The following JAKMIP3 variants were observed in gnomAD, a reference collection of about 807,000 sequenced individuals.
JAKMIP3 encodes janus kinase and microtubule-interacting protein 3.
A neutral mutation model predicts 118.5 loss-of-function variants in JAKMIP3; 58 were observed. The observed-to-expected ratio is 0.49, with a 90% CI of 0.40 to 0.61. JAKMIP3 has a LOEUF of 0.61. JAKMIP3 is among the 20% of genes least tolerant of loss of function. JAKMIP3 has a pLI of 0.00. For synonymous variants in JAKMIP3, 486 were observed against 451.2 expected (o/e 1.08, Z -0.98); for missense variants, 950 against 1,109.0 (o/e 0.86, Z 2.04).
intron 1 of JAKMIP3, among the ~76,000 whole-genome samples, chr10:132,101,988 G>A (rs904740520): frequency 6.9e-6 from 1 of 144,998 alleles, no homozygotes; most frequent in East Asian, 2.2e-4. Context: ...CCCACCCGAC[G>A]CTCATGTGGT....
intron 2 of JAKMIP3, among the ~76,000 whole-genome samples, chr10:132,111,179 C>T (rs2046805526): frequency 6.6e-6 from 1 of 152,254 alleles, no homozygotes; most frequent in African/African-American, 2.4e-5. Context: ...GCCATGGAAG[C>T]TCCGGCCTCC....
At chr10:132,172,654 T>C (rs1050070811) in intron 23 of JAKMIP3, among the ~76,000 whole-genome samples, 2 of 151,870 alleles carry the variant, frequency 1.3e-5, no homozygotes, top group African/African-American at 2.4e-5. Context: ...GCTGTTAATG[T>C]CTCTTCACCC....
At chr10:132,141,492 A>G (rs913523535) in intron 10 of JAKMIP3, among the ~76,000 whole-genome samples, 2 of 152,136 alleles carry the variant, frequency 1.3e-5, no homozygotes, top group Non-Finnish European at 2.9e-5. Context: ...TACCCCCTTC[A>G]CAAAGCCCAG....
chr10:132,142,081 C>G (rs550063137), intron 11 of JAKMIP3, 33 bp downstream of exon 11: 1 of 1,572,248 alleles, frequency 6.4e-7, no homozygotes, highest in African/African-American at 1.3e-5. Context: ...GTTCCGGCCC[C>G]CCTCGTGCCT....
At chr10:132,104,040 T>G (rs554762088) in intron 1 of JAKMIP3, among the ~76,000 whole-genome samples, 1 of 152,232 alleles carries the variant, frequency 6.6e-6, no homozygotes, top group South Asian at 2.1e-4. Flanking sequence ...CCTCCTGTCA[T>G]AGCGTGTGTC....
chr10:132,169,047 T>C lies in JAKMIP3; in HGVS notation c.*1103+14T>C, dbSNP rs2059207955. ...AGAGGCTGACAGGTAAGGGCTGCCATCTGTCCGCGGGGAGGGCCTTTGCAC... is the reference window on the plus strand; with the variant it reads ...AGAGGCTGACAGGTAAGGGCTGCCACCTGTCCGCGGGGAGGGCCTTTGCAC... On this transcript the variant is annotated intron_variant, in intron 23 of 23. Coordinates refer to ENST00000684848, the MANE Select transcript of JAKMIP3 (RefSeq NM_001323087.2). 6.5e-6 allele frequency: 1 copy of C among 153,884 alleles called. No homozygotes were observed. Among genetic ancestry groups the C allele is most frequent in the Non-Finnish European group, 1.4e-5 (1 of 69,272 alleles). 9.5% of individuals were successfully genotyped at this position (153,884 alleles called of 1,614,324 possible).
upstream of JAKMIP3, among the ~76,000 whole-genome samples, chr10:132,063,913 A>G (rs936507825): frequency 6.6e-6 from 1 of 152,214 alleles, no homozygotes; most frequent in Admixed American, 6.5e-5. Context: ...CTTGAGTGCA[A>G]CACACACAGG....
chr10:132,152,215 A>T (rs2056345494), intron 16 of JAKMIP3, among the ~76,000 whole-genome samples: 2 of 152,156 alleles, frequency 1.3e-5, no homozygotes, highest in African/African-American at 4.8e-5. Flanking sequence ...CCCTGTGCAG[A>T]CTTTGGGGTT....
At chr10:132,058,329 C>T (rs950409303) in intron 1 of JAKMIP3, among the ~76,000 whole-genome samples, 2 of 152,186 alleles carry the variant, frequency 1.3e-5, no homozygotes, top group African/African-American at 4.8e-5. Context: ...GGAAGTAGCC[C>T]CTGCTGCAGC....
rs368148648 is a variant in JAKMIP3 at position 132,169,390 on chromosome 10, G to A, written c.*1103+357G>A. Among the ~76,000 whole-genome samples, 6 of 152,296 alleles carry A rather than the reference G, an allele frequency of 3.9e-5. No individual in the cohort carries two copies. In the South Asian group the frequency reaches 6.2e-4, roughly 16 times the overall value. On this transcript the variant is annotated intron_variant, in intron 23 of 23. Coordinates refer to ENST00000684848, the MANE Select transcript of JAKMIP3 (RefSeq NM_001323087.2). ...GAGTGCGCCTCCCTCCGCTGCTCCC[G>A]TGCACTTGAACGTGGACGCCGCCCC...
Position 132,065,994 on chromosome 10 carries a change from G to C in JAKMIP3, c.-205G>C, listed in dbSNP as rs144759664. On this transcript the variant is annotated 5_prime_UTR_variant, in exon 1 of 24. Transcript: ENST00000684848. The surrounding 1 kb of genome is among the most constrained non-coding windows in gnomAD (Gnocchi z 5.6). ...GCAAAAGCCGGACTGAGTCTTGGAC[G>C]AGCCGGGAAAGATTCTCACAGTCGA... Among the ~76,000 whole-genome samples, 1 of 152,336 alleles carries C rather than the reference G, an allele frequency of 6.6e-6. No homozygotes were observed.
chr10:132,110,269 T>C lies in JAKMIP3; in HGVS notation c.135+5326T>C, dbSNP rs571282795. ...GCCCACTGGTGGCCTAGGCGGCATC[T>C]GGTGGCCTCCACCAGCTCAGGCACG... On this transcript the variant is annotated intron_variant, in intron 2 of 23. Transcript: ENST00000684848. Among the ~76,000 whole-genome samples the C allele has an allele frequency of 2.0e-5, 3 of 152,350 alleles. No homozygotes were observed. In the South Asian group the frequency reaches 6.2e-4, roughly 32 times the overall value.
chr10:132,147,459 C>T (rs752195192), intron 13 of JAKMIP3, among the ~76,000 whole-genome samples: 14 of 152,218 alleles, frequency 9.2e-5, no homozygotes, highest in Non-Finnish European at 1.6e-4. Flanking sequence ...AAGTGAATTC[C>T]GGTGGCCAGG....
intron 19 of JAKMIP3, among the ~76,000 whole-genome samples, chr10:132,160,110 T>G (rs1429756509): frequency 1.3e-4 from 1 of 7,552 alleles, no homozygotes; most frequent in Non-Finnish European, 2.1e-4. Flanking sequence ...ATGCAGGCGG[T>G]GGCCTCTTCC....
intron 1 of JAKMIP3, among the ~76,000 whole-genome samples, chr10:132,095,489 G>A (rs2134536754): frequency 6.6e-6 from 1 of 152,324 alleles, no homozygotes; most frequent in South Asian, 2.1e-4. Context: ...AGGTTCTGCA[G>A]TGGGGGTGTG....
chr10:132,133,620 G>T, intron 4 of JAKMIP3, 93 bp downstream of exon 4: 3 of 1,214,694 alleles, frequency 2.5e-6, no homozygotes, highest in African/African-American at 1.5e-5. Context: ...TCCCCCAGGA[G>T]ACCAGAGCCC....
At position 132,149,426 on chromosome 10, in the gene JAKMIP3, G is replaced by C. The variant is rs752099403; in HGVS notation, c.1863G>C (p.Lys621Asn). The C allele has an allele frequency of 6.2e-7, 1 of 1,602,238 alleles. No homozygotes were observed. The highest frequency in any genetic ancestry group is 2.2e-5 in the East Asian group (1 of 44,472). Reference sequence around the variant, plus strand: ...CTCTGTCCTAGGAGAGGGAGAGGAAGTCACCCGCCATCAGCTTCCACCACA... The same window carrying C: ...CTCTGTCCTAGGAGAGGGAGAGGAACTCACCCGCCATCAGCTTCCACCACA... ...RILELEERER[K>N]SPAISFHHTP... The change falls in exon 15 of 24, where the codon AAG becomes AAC. Residue 621 changes from lysine (K) to asparagine (N), a missense_variant. By Grantham distance (94) the Lys-to-Asn change is moderately conservative (BLOSUM62 0). Transcript: ENST00000684848.
chr10:132,161,898 C>A (rs939923948), intron 19 of JAKMIP3, among the ~76,000 whole-genome samples: 2 of 121,446 alleles, frequency 1.6e-5, no homozygotes, highest in Non-Finnish European at 4.1e-5. Flanking sequence ...ATTGGGGGGG[C>A]CACTTCCTGT....
chr10:132,068,074 GT>G, intron 1 of JAKMIP3, among the ~76,000 whole-genome samples: 1 of 27,814 alleles, frequency 3.6e-5, no homozygotes, highest in Non-Finnish European at 7.9e-5. Flanking sequence ...CGTGTGGACT[GT>G]GGGTTTCTGT....
Sources: gnomAD v4.1 joint callset for allele counts (sites outside exome capture counted in the v4.1 genomes callset) on GRCh38, gnomAD v4.1.1 for gene constraint, Gnocchi (gnomAD v3.1) non-coding constraint, MANE v1.5 for transcripts, NCBI Gene and HGNC (gene_info 2026-07-23, HGNC 2026-07-21) for gene names.